The following ARHGAP6 variants were observed in gnomAD, a reference collection of about 807,000 sequenced individuals.
ARHGAP6 encodes rho GTPase-activating protein 6.
In ARHGAP6, 16 loss-of-function variants were observed where a neutral mutation model predicts 55.7. The observed-to-expected ratio is 0.29, with a 90% CI of 0.19 to 0.44. The LOEUF (loss-of-function observed/expected upper bound fraction) is 0.44, where lower values mean the gene tolerates loss of function less well. Ranked by LOEUF, ARHGAP6 falls within the 20% of genes least tolerant of loss-of-function variation. The probability of loss-of-function intolerance (pLI) is 1.00; values close to 1 mark genes in which losing one functional copy is unlikely to be tolerated. For missense variants in ARHGAP6, 698 were observed against 808.9 expected, an observed-to-expected ratio of 0.86 and a Z score of 1.66; for synonymous variants, 382 against 360.9, an observed-to-expected ratio of 1.06 and a Z score of -0.66.
chrX:11,171,129 G>C (rs1039499290), intron 8 of ARHGAP6, among the ~76,000 whole-genome samples: 1 of 110,794 alleles, frequency 9.0e-6, no homozygotes, highest in Non-Finnish European at 1.9e-5. Flanking sequence ...GGGAGTACGG[G>C]GTGAAGGAAG....
intron 1 of ARHGAP6, among the ~76,000 whole-genome samples, chrX:11,354,327 C>CTCTCTATATATA (rs1343744315): frequency 9.3e-4 from 30 of 32,346 alleles, no homozygotes; most frequent in African/African-American, 1.2e-3. Context: ...CTCTCTCTCT[C>CTCTCTATATATA]TATATATATA....
intron 1 of ARHGAP6, among the ~76,000 whole-genome samples, chrX:11,470,022 C>T (rs1184975457): frequency 1.8e-5 from 2 of 111,205 alleles, no homozygotes; most frequent in Admixed American, 1.9e-4. Flanking sequence ...GGAAGATGGG[C>T]CTAACTGGAA....
intron 1 of ARHGAP6, among the ~76,000 whole-genome samples, chrX:11,520,431 G>A (rs1348099819): frequency 1.0e-4 from 11 of 106,479 alleles, no homozygotes; most frequent in African/African-American, 3.8e-4. Context: ...TTGTCCTTGC[G>A]ATAGTTTGCT....
At chrX:11,199,358 T>G (rs2046587469) in intron 2 of ARHGAP6, among the ~76,000 whole-genome samples, 1 of 111,951 alleles carries the variant, frequency 8.9e-6, no homozygotes, top group Non-Finnish European at 1.9e-5. Context: ...GGGAACCTGC[T>G]AGAGGTACAA....
At chrX:11,313,693 C>T (rs1266446800) in intron 1 of ARHGAP6, among the ~76,000 whole-genome samples, 1 of 112,416 alleles carries the variant, frequency 8.9e-6, no homozygotes, top group Non-Finnish European at 1.9e-5. Flanking sequence ...GTCTCTCTTA[C>T]TGGGCTGGAG....
Position 11,280,469 on chromosome X carries a change from G to A in ARHGAP6, c.589-25762C>T, listed in dbSNP as rs950851410. Among the ~76,000 whole-genome samples, 10 of 111,853 alleles carry A rather than the reference G, an allele frequency of 8.9e-5. No homozygotes were observed. In the Admixed American group the frequency reaches 9.5e-4, roughly 11 times the overall value. On this transcript the variant is annotated intron_variant, in intron 1 of 12. Transcript: ENST00000337414. ...AAAGAGCCAGAAGATTCTGGTTTTTGTTAGTCTTGCCTTGTAGTCAGGAAG... is the reference window on the plus strand; with the variant it reads ...AAAGAGCCAGAAGATTCTGGTTTTTATTAGTCTTGCCTTGTAGTCAGGAAG...
intron 2 of ARHGAP6, among the ~76,000 whole-genome samples, chrX:11,202,486 G>T (rs753561479): frequency 9.0e-6 from 1 of 111,050 alleles, no homozygotes; most frequent in South Asian, 3.9e-4. Flanking sequence ...AAGAATACAG[G>T]TGTTTAAACA....
chrX:11,650,659 A>C (rs2052574577), intron 1 of ARHGAP6, among the ~76,000 whole-genome samples: 1 of 112,700 alleles, frequency 8.9e-6, no homozygotes, highest in South Asian at 3.6e-4. Context: ...ACAAAAACCT[A>C]AATATTTGAT....
intron 1 of ARHGAP6, among the ~76,000 whole-genome samples, chrX:11,628,984 C>CGTGT (rs55999982): frequency 0.088 from 8,921 of 101,378 alleles, 348 homozygotes; most frequent in Middle Eastern, 0.14. Flanking sequence ...GCTTCAGATA[C>CGTGT]GTGTGTGTGT....
chrX:11,359,795 T>C (rs1296425164), intron 1 of ARHGAP6, among the ~76,000 whole-genome samples: 1 of 111,518 alleles, frequency 9.0e-6, no homozygotes, highest in Non-Finnish European at 1.9e-5. Context: ...AAGAATCAAA[T>C]AGACGCAATA....
At chrX:11,568,164 G>C (rs1288390881) in intron 1 of ARHGAP6, among the ~76,000 whole-genome samples, 1 of 111,715 alleles carries the variant, frequency 9.0e-6, no homozygotes, top group Non-Finnish European at 1.9e-5. Context: ...GAAAAAAAAA[G>C]TCTGTCAACT....
At chrX:11,537,792 A>G (rs1479634298) in intron 1 of ARHGAP6, among the ~76,000 whole-genome samples, 1 of 112,313 alleles carries the variant, frequency 8.9e-6, no homozygotes, top group African/African-American at 3.2e-5. Flanking sequence ...AAAACACAAG[A>G]ACACATTCTA....
intron 1 of ARHGAP6, among the ~76,000 whole-genome samples, chrX:11,375,516 C>T (rs773522559): frequency 1.9e-4 from 21 of 111,867 alleles, no homozygotes; most frequent in East Asian, 8.3e-4. Context: ...TCTATATTTA[C>T]GCATGTGTAA....
intron 1 of ARHGAP6, among the ~76,000 whole-genome samples, chrX:11,405,463 T>C (rs759342604): frequency 2.7e-5 from 3 of 112,244 alleles, no homozygotes; most frequent in South Asian, 7.5e-4. Flanking sequence ...CTTTTTTCTT[T>C]CTTTTTAAAA....
chrX:11,568,554 C>T (rs2051473111), intron 1 of ARHGAP6, among the ~76,000 whole-genome samples: 1 of 111,358 alleles, frequency 9.0e-6, no homozygotes, highest in South Asian at 3.8e-4. Context: ...GTCAGGAGTT[C>T]GAAACCAGCC....
intron 1 of ARHGAP6, among the ~76,000 whole-genome samples, chrX:11,308,324 G>T (rs2048258879): frequency 9.0e-6 from 1 of 111,521 alleles, no homozygotes; most frequent in Admixed American, 9.5e-5. Flanking sequence ...GAGTTTTAAG[G>T]TTCTTTCTAT....
chrX:11,436,593 T>G (rs1006327217), intron 1 of ARHGAP6, among the ~76,000 whole-genome samples: 1 of 112,025 alleles, frequency 8.9e-6, no homozygotes, highest in Admixed American at 9.4e-5. Context: ...TACATATGTT[T>G]ATGGTAGAAT....
chrX:11,437,139 A>T (rs1450283262), intron 1 of ARHGAP6, among the ~76,000 whole-genome samples: 2 of 111,472 alleles, frequency 1.8e-5, no homozygotes, highest in African/African-American at 6.5e-5. Context: ...ACAAATCTAG[A>T]TGGAAGGCAA....
chrX:11,651,794 G>A (rs2052587221), intron 1 of ARHGAP6, among the ~76,000 whole-genome samples: 1 of 111,556 alleles, frequency 9.0e-6, no homozygotes, highest in African/African-American at 3.3e-5. Context: ...AACCTCGCCA[G>A]CATCTGTTAT....
Sources: allele counts gnomAD v4.1 joint callset (sites outside exome capture counted in the v4.1 genomes callset), GRCh38; gene constraint gnomAD v4.1.1; transcripts MANE v1.5; gene names NCBI Gene and HGNC (gene_info 2026-07-23, HGNC 2026-07-21).